ANO1: variants seen among roughly 807,000 people sequenced by gnomAD.
ANO1 encodes anoctamin 1, also known as anoctamin-1.
In ANO1, 59 loss-of-function variants were observed where a neutral mutation model predicts 124.0. The observed-to-expected ratio is 0.48, with a 90% CI of 0.39 to 0.59. ANO1 has a LOEUF of 0.59. Ranked by LOEUF, ANO1 falls within the 20% of genes least tolerant of loss-of-function variation. The pLI is 0.00. For synonymous variants in ANO1, 529 were observed against 532.0 expected (o/e 0.99, Z 0.08); for missense variants, 1,059 against 1,328.0 (o/e 0.80, Z 3.15).
chr11:70,131,486 C>A (rs2046757249), intron 10 of ANO1, among the ~76,000 whole-genome samples: 1 of 152,160 alleles, frequency 6.6e-6, no homozygotes, highest in Non-Finnish European at 1.5e-5. Context: ...TGCCACCATG[C>A]CCGGCTAATT....
chr11:70,046,408 T>G (rs2135069427), intron 1 of ANO1, among the ~76,000 whole-genome samples: 1 of 152,250 alleles, frequency 6.6e-6, no homozygotes, highest in South Asian at 2.1e-4. Flanking sequence ...CCAGTGACAG[T>G]GGACTTGGGA....
intron 2 of ANO1, among the ~76,000 whole-genome samples, chr11:70,100,748 A>G (rs935441568): frequency 3.9e-5 from 6 of 152,248 alleles, no homozygotes; most frequent in Non-Finnish European, 5.9e-5. Context: ...AGTGAGGATA[A>G]AATGAGTTGA....
intron 16 of ANO1, among the ~76,000 whole-genome samples, chr11:70,159,765 G>T (rs187969615): frequency 6.6e-6 from 1 of 152,224 alleles, no homozygotes; most frequent in Admixed American, 6.5e-5. Context: ...CTGCACCTCC[G>T]CATGCTGGCA....
chr11:70,000,520 GC>G (rs1554999088), intron 1 of ANO1, among the ~76,000 whole-genome samples: 10 of 152,172 alleles, frequency 6.6e-5, no homozygotes, highest in African/African-American at 2.4e-4. Flanking sequence ...GAGATACCGA[GC>G]TTTGGCAAGA....
At chr11:70,008,142 A>G (rs1300191926) in intron 1 of ANO1, among the ~76,000 whole-genome samples, 1 of 152,146 alleles carries the variant, frequency 6.6e-6, no homozygotes, top group African/African-American at 2.4e-5. Flanking sequence ...GGAGCTCTTT[A>G]TATATATTAG....
intron 22 of ANO1, among the ~76,000 whole-genome samples, chr11:70,178,389 GAAA>G (rs1308859760): frequency 6.6e-6 from 1 of 152,118 alleles, no homozygotes; most frequent in Non-Finnish European, 1.5e-5. Context: ...TGCTCCAGCA[GAAA>G]AATAAACTGA....
At chr11:70,157,586 G>T (rs1229702739) in intron 16 of ANO1, among the ~76,000 whole-genome samples, 2 of 152,054 alleles carry the variant, frequency 1.3e-5, no homozygotes, top group East Asian at 3.9e-4. Flanking sequence ...TGATTTCTGT[G>T]GTCCCTGATA....
Position 70,161,263 on chromosome 11 carries a change from CG to C in ANO1, c.1684del (p.Val562SerfsTer12), listed in dbSNP as rs778785854. The C allele has an allele frequency of 6.2e-7, 1 of 1,613,900 alleles. No homozygotes were observed. The highest frequency in any genetic ancestry group is 1.1e-5 in the South Asian group (1 of 91,082). On this transcript the variant is annotated frameshift_variant, in exon 17 of 26. Coordinates refer to ENST00000355303, the MANE Select transcript of ANO1 (RefSeq NM_018043.7). LOFTEE classifies it high-confidence loss of function. ...NSSPSVRSNI[R>X]VTVTATAVII... ...CTCCCCCTCCGTGCGGTCCAACATCCGGGTCACAGTCACAGCCACCGCAGTC... is the reference window on the plus strand; with the variant it reads ...CTCCCCCTCCGTGCGGTCCAACATCCGGTCACAGTCACAGCCACCGCAGTC...
chr11:69,984,672 G>A (rs1367237170), upstream of ANO1, among the ~76,000 whole-genome samples: 1 of 152,166 alleles, frequency 6.6e-6, no homozygotes, highest in Non-Finnish European at 1.5e-5. Context: ...CTTCCGCGGG[G>A]ATGTGGTCTG....
Position 70,161,146 on chromosome 11 carries a change from C to T in ANO1, c.1579-15C>T, listed in dbSNP as rs759929670. On this transcript the variant is annotated splice_polypyrimidine_tract_variant and intron_variant, in intron 16 of 25. Coordinates refer to ENST00000355303, the MANE Select transcript of ANO1 (RefSeq NM_018043.7). Reference sequence around the variant, plus strand: ...GGTGGGCCCCCAACCAAGAGTGCCCCTTTCCCCCCTGCAGATTGCAGTGAC... The same window carrying T: ...GGTGGGCCCCCAACCAAGAGTGCCCTTTTCCCCCCTGCAGATTGCAGTGAC... 9 of 1,610,450 alleles carry T rather than the reference C, an allele frequency of 5.6e-6. No individual in the cohort carries two copies. The African/African-American group carries it at 9.3e-5, about 17-fold the overall frequency.
intron 1 of ANO1, among the ~76,000 whole-genome samples, chr11:69,994,360 GT>G: frequency 6.6e-6 from 1 of 151,640 alleles, no homozygotes; most frequent in East Asian, 1.9e-4. Flanking sequence ...GGGTGGATGG[GT>G]GGATGGATGG....
chr11:70,012,649 A>G (rs1302982910), intron 1 of ANO1, among the ~76,000 whole-genome samples: 3 of 150,774 alleles, frequency 2.0e-5, no homozygotes, highest in East Asian at 4.0e-4. Context: ...CCATTGTTCC[A>G]TCTATCTATC....
intron 16 of ANO1, among the ~76,000 whole-genome samples, chr11:70,160,321 A>G (rs2135703331): frequency 6.6e-6 from 1 of 151,932 alleles, no homozygotes; most frequent in African/African-American, 2.4e-5. Flanking sequence ...ATCCTCAATG[A>G]GGGCTCAGAA....
chr11:70,082,799 A>G (rs996970333), intron 1 of ANO1, among the ~76,000 whole-genome samples: 3 of 152,186 alleles, frequency 2.0e-5, no homozygotes, highest in Non-Finnish European at 4.4e-5. Flanking sequence ...GGCACCATAA[A>G]GTCACACGCA....
chr11:70,130,933 A>G lies in ANO1; in HGVS notation c.1098-986A>G, dbSNP rs1200950490. Among the ~76,000 whole-genome samples, 3 of 152,346 alleles carry G rather than the reference A, an allele frequency of 2.0e-5. No homozygotes were observed. In the East Asian group the frequency reaches 5.8e-4, roughly 29 times the overall value. ...AGAGCACCCAGGCCACGTCCAAGGC[A>G]GCCGCCCCACCAGGCGGATGGAGAT... is the stretch of plus-strand genomic sequence containing the variant. On this transcript the variant is annotated intron_variant, in intron 10 of 25. Transcript: ENST00000355303.
intron 1 of ANO1, among the ~76,000 whole-genome samples, chr11:70,015,481 C>A (rs1591035659): frequency 6.6e-6 from 1 of 152,130 alleles, no homozygotes; most frequent in African/African-American, 2.4e-5. Context: ...CCGGAGGCAG[C>A]CCAGCCCTGG....
chr11:70,095,275 G>GGAAGGAAGGAAA (rs1555017278), intron 2 of ANO1, among the ~76,000 whole-genome samples: 2 of 81,264 alleles, frequency 2.5e-5, no homozygotes, highest in Non-Finnish European at 5.0e-5. Context: ...AAGGAAGGAA[G>GGAAGGAAGGAAA]GAAGGAAGGA....
At chr11:70,081,025 G>A (rs1434416477) in intron 1 of ANO1, among the ~76,000 whole-genome samples, 1 of 152,230 alleles carries the variant, frequency 6.6e-6, no homozygotes, top group Non-Finnish European at 1.5e-5. Flanking sequence ...CATTTCAAAA[G>A]TTCCTATCCT....
At position 70,088,178 on chromosome 11, in the gene ANO1, G is replaced by A. The variant is rs1306507138; in HGVS notation, c.441+94G>A. ...AGCTGCTTCCATAGTCAGAGGGTGC[G>A]AGGCTGGTATCTTGTTTTAGCTTTA... On this transcript the variant is annotated intron_variant, in intron 2 of 25. Transcript: ENST00000355303. 1.7e-5 allele frequency: 15 copies of A among 902,122 alleles called. No individual in the cohort carries two copies. The East Asian group carries it at 2.6e-4, about 16-fold the overall frequency. 55.9% of individuals were successfully genotyped at this position (902,122 alleles called of 1,614,324 possible).
Sources: gnomAD v4.1 joint callset for allele counts (sites outside exome capture counted in the v4.1 genomes callset) on GRCh38, gnomAD v4.1.1 for gene constraint, MANE v1.5 for transcripts, NCBI Gene and HGNC (gene_info 2026-07-23, HGNC 2026-07-21) for gene names.